Variants in CRYL1 observed in about 807,000 individuals in gnomAD.
CRYL1 encodes lambda-crystallin homolog.
A neutral mutation model predicts 36.6 loss-of-function variants in CRYL1; 29 were observed. The observed-to-expected ratio is 0.79, with a 90% CI of 0.59 to 1.08. The LOEUF is 1.08. CRYL1 is among the 50% of genes least tolerant of loss of function. The probability of loss-of-function intolerance (pLI) is 0.00; values close to 1 mark genes in which losing one functional copy is unlikely to be tolerated. For missense variants in CRYL1, 411 were observed against 407.9 expected (o/e 1.01, Z -0.06); for synonymous variants, 152 against 151.5 (o/e 1.00, Z -0.02).
intron 1 of CRYL1, among the ~76,000 whole-genome samples, chr13:20,519,147 G>A (rs927351640): frequency 1.7e-4 from 26 of 152,010 alleles, no homozygotes; most frequent in East Asian, 7.8e-4. Flanking sequence ...AGTGAATATC[G>A]ATAAAGAAGT....
intron 5 of CRYL1, among the ~76,000 whole-genome samples, chr13:20,424,731 C>T (rs1273603143): frequency 6.6e-6 from 1 of 152,124 alleles, no homozygotes; most frequent in East Asian, 1.9e-4. Context: ...ACAGGCCTAG[C>T]CCAGGGCAAA....
At chr13:20,465,953 A>G (rs2137437990) in intron 3 of CRYL1, among the ~76,000 whole-genome samples, 1 of 151,770 alleles carries the variant, frequency 6.6e-6, no homozygotes, top group African/African-American at 2.4e-5. Flanking sequence ...GTTGAAAAAA[A>G]AAAAAAAAGC....
chr13:20,490,176 A>C (rs1170807874), intron 2 of CRYL1, among the ~76,000 whole-genome samples: 6 of 152,152 alleles, frequency 3.9e-5, no homozygotes, highest in Non-Finnish European at 7.3e-5. Context: ...GGATCACTTG[A>C]GGTCAGCAGT....
Position 20,420,697 on chromosome 13 carries a change from G to C in CRYL1, c.634-7310C>G, listed in dbSNP as rs529017674. 4.0e-3 allele frequency among the ~76,000 whole-genome samples: 114 copies of C among 28,726 alleles called. 16 individuals are homozygous for C. Among genetic ancestry groups the C allele is most frequent in the Middle Eastern group, 0.019 (1 of 54 alleles). The allele number at this position is 28,726 out of a possible 152,430, so 18.8% of individuals were successfully genotyped here. A position where few individuals can be genotyped will look rare whatever the true frequency, so the allele number is the denominator to read the frequency against. ...TTCCCTTTGACTTTTCTTTAAAATA[G>C]AGGTTGTGTGTGTGTGTGTGTGTGT... On this transcript the variant is annotated intron_variant, in intron 5 of 7. Coordinates refer to ENST00000298248, the MANE Select transcript of CRYL1 (RefSeq NM_015974.3).
chr13:20,431,530 C>A lies in CRYL1; in HGVS notation c.633+572G>T, dbSNP rs192951938. 3.1e-5 allele frequency: 31 copies of A among 1,004,440 alleles called. No homozygotes were observed. The African/African-American group carries it at 4.4e-4, about 14-fold the overall frequency. The allele number at this position is 1,004,440 out of a possible 1,614,324, so 62.2% of individuals were successfully genotyped here. ...CCACGGCCCCTCATGCAAATGTACA[C>A]GAGAATGCGTGCAGCCAGGCCATTT... is the stretch of plus-strand genomic sequence containing the variant. On this transcript the variant is annotated intron_variant, in intron 5 of 7. Coordinates refer to ENST00000298248, the MANE Select transcript of CRYL1 (RefSeq NM_015974.3).
At chr13:20,439,259 T>G (rs2032298479) in intron 4 of CRYL1, among the ~76,000 whole-genome samples, 2 of 152,192 alleles carry the variant, frequency 1.3e-5, no homozygotes, top group African/African-American at 4.8e-5. Context: ...CCTCCTCAGC[T>G]ACACAGTTAC....
chr13:20,404,601 C>G (rs751840935), intron 7 of CRYL1, 34 bp downstream of exon 7: 1 of 1,428,816 alleles, frequency 7.0e-7, no homozygotes, highest in Non-Finnish European at 9.9e-7. Flanking sequence ...AGCCAACATG[C>G]TTCTCTGCAG....
At chr13:20,506,314 T>C (rs1039828027) in intron 2 of CRYL1, among the ~76,000 whole-genome samples, 2 of 152,218 alleles carry the variant, frequency 1.3e-5, no homozygotes, top group African/African-American at 4.8e-5. Context: ...GAGGAAAGAT[T>C]TGTATGTACT....
At chr13:20,457,917 C>T (rs996413279) in intron 3 of CRYL1, among the ~76,000 whole-genome samples, 2 of 152,134 alleles carry the variant, frequency 1.3e-5, no homozygotes, top group East Asian at 3.9e-4. Context: ...TATCCAGGTA[C>T]TCAGTGGGGG....
At chr13:20,475,551 G>A (rs768271786) in intron 3 of CRYL1, among the ~76,000 whole-genome samples, 2 of 152,182 alleles carry the variant, frequency 1.3e-5, no homozygotes, top group Non-Finnish European at 2.9e-5. Flanking sequence ...CTTTACGGGG[G>A]TGTCGTGAGG....
At chr13:20,490,188 C>T (rs1014573164) in intron 2 of CRYL1, among the ~76,000 whole-genome samples, 3 of 152,178 alleles carry the variant, frequency 2.0e-5, no homozygotes, top group East Asian at 3.9e-4. Flanking sequence ...GTCAGCAGTT[C>T]GAGACCAGCC....
At chr13:20,466,220 C>G (rs1395687876) in intron 3 of CRYL1, among the ~76,000 whole-genome samples, 4 of 152,158 alleles carry the variant, frequency 2.6e-5, no homozygotes, top group Admixed American at 2.6e-4. Context: ...GGCCTCGCAG[C>G]CTTCCATACG....
intron 1 of CRYL1, among the ~76,000 whole-genome samples, chr13:20,516,492 T>C (rs2034000143): frequency 6.6e-6 from 1 of 152,026 alleles, no homozygotes; most frequent in Non-Finnish European, 1.5e-5. Context: ...TAATCTTTTT[T>C]TTTTTGAAAT....
In CRYL1 at chr13:20,428,106, CA is replaced by C. The variant is rs561201584; in HGVS notation, c.633+3995del. Among the ~76,000 whole-genome samples the C allele has an allele frequency of 3.1e-3, 468 of 152,212 alleles. 2 individuals are homozygous for C. The highest frequency in any genetic ancestry group is 0.011 in the African/African-American group (441 of 41,552). On this transcript the variant is annotated intron_variant, in intron 5 of 7. Transcript: ENST00000298248. ...TACCAAATATCTAAAAATGAATTAA[CA>C]AAAAGTACACACAATCTCTTCCAGA...
intron 3 of CRYL1, among the ~76,000 whole-genome samples, chr13:20,475,217 T>C (rs113206222): frequency 0.016 from 2,403 of 151,992 alleles, 68 homozygotes; most frequent in African/African-American, 0.054. Context: ...CTCCCCGCAT[T>C]CCCAGACCCC....
At chr13:20,462,828 T>C (rs1294951237) in intron 3 of CRYL1, among the ~76,000 whole-genome samples, 1 of 151,960 alleles carries the variant, frequency 6.6e-6, no homozygotes. Flanking sequence ...GTGCCTAAAT[T>C]GTACTTAAAT....
intron 3 of CRYL1, among the ~76,000 whole-genome samples, chr13:20,464,570 G>A (rs937513148): frequency 3.3e-5 from 5 of 152,122 alleles, no homozygotes; most frequent in South Asian, 2.1e-4. Flanking sequence ...CTTGGGGAGC[G>A]CTTCACCAGG....
At chr13:20,501,091 G>A (rs1296461225) in intron 2 of CRYL1, among the ~76,000 whole-genome samples, 3 of 152,166 alleles carry the variant, frequency 2.0e-5, no homozygotes, top group Non-Finnish European at 2.9e-5. Context: ...TGGTCAGGGA[G>A]ATGGATTTGA....
At chr13:20,444,502 A>G (rs2032415232) in intron 3 of CRYL1, among the ~76,000 whole-genome samples, 1 of 152,198 alleles carries the variant, frequency 6.6e-6, no homozygotes, top group African/African-American at 2.4e-5. Context: ...AGAGGGGGCC[A>G]CCGTGGCACA....
Sources: gnomAD v4.1 joint callset for allele counts (sites outside exome capture counted in the v4.1 genomes callset) on GRCh38, gnomAD v4.1.1 for gene constraint, MANE v1.5 for transcripts, NCBI Gene and HGNC (gene_info 2026-07-23, HGNC 2026-07-21) for gene names.